BBS9: variants seen among roughly 807,000 people sequenced by gnomAD.
BBS9 encodes protein PTHB1.
BBS9 carries 89 observed loss-of-function variants against 117.7 expected under a neutral mutation model. The ratio of observed to expected loss-of-function variants is 0.76; its 90% confidence interval spans 0.64 to 0.90. The LOEUF is 0.90. BBS9 is among the 40% of genes least tolerant of loss of function. The pLI is 0.00. For synonymous variants in BBS9, 379 were observed against 370.9 expected, an observed-to-expected ratio of 1.02 and a Z score of -0.25; for missense variants, 982 against 1,042.2, an observed-to-expected ratio of 0.94 and a Z score of 0.80.
intron 21 of BBS9, among the ~76,000 whole-genome samples, chr7:33,599,348 T>TCC (rs1046351511): frequency 8.5e-5 from 13 of 152,160 alleles, no homozygotes; most frequent in Non-Finnish European, 1.9e-4. Flanking sequence ...ACCCTGCCTA[T>TCC]CCCCCACCTT....
chr7:33,579,440 G>A (rs1238378777), intron 21 of BBS9, among the ~76,000 whole-genome samples: 2 of 152,146 alleles, frequency 1.3e-5, no homozygotes, highest in African/African-American at 4.8e-5. Flanking sequence ...AAATTGTTAA[G>A]AGTTAAAATA....
chr7:33,571,097 T>C (rs1857702614), intron 21 of BBS9, among the ~76,000 whole-genome samples: 1 of 152,194 alleles, frequency 6.6e-6, no homozygotes, highest in Non-Finnish European at 1.5e-5. Context: ...TGTGGTTATA[T>C]AAGATGTTAT....
At chr7:33,618,701 T>C (rs1417703937) in intron 21 of BBS9, among the ~76,000 whole-genome samples, 2 of 152,074 alleles carry the variant, frequency 1.3e-5, no homozygotes, top group Non-Finnish European at 2.9e-5. Flanking sequence ...TTTTTTAAAA[T>C]GTAAATTATG....
At chr7:33,180,837 C>T (rs1797996062) in intron 5 of BBS9, among the ~76,000 whole-genome samples, 1 of 152,088 alleles carries the variant, frequency 6.6e-6, no homozygotes, top group South Asian at 2.1e-4. Flanking sequence ...ACTGGGGATC[C>T]ACCTGGTGTG....
intron 9 of BBS9, among the ~76,000 whole-genome samples, chr7:33,326,228 T>TCCCCTCCCCTC (rs1323002450): frequency 6.7e-6 from 1 of 149,812 alleles, no homozygotes; most frequent in East Asian, 2.0e-4. Context: ...CTCTTTTCCC[T>TCCCCTCCCCTC]CCCCTCCCCT....
intron 5 of BBS9, among the ~76,000 whole-genome samples, chr7:33,233,500 G>A (rs1792880596): frequency 6.6e-6 from 1 of 152,002 alleles, no homozygotes; most frequent in African/African-American, 2.4e-5. Context: ...ACTTATTAAA[G>A]GATATGAACT....
chr7:33,608,784 C>T (rs7798229), downstream of BBS9, among the ~76,000 whole-genome samples: 54,478 of 151,896 alleles, frequency 0.36, 12,819 homozygotes, highest in African/African-American at 0.66. Context: ...ATAGTTTGCA[C>T]ATATTTTCTC....
intron 21 of BBS9, among the ~76,000 whole-genome samples, chr7:33,542,575 A>G (rs1278440477): frequency 6.6e-6 from 1 of 151,274 alleles, no homozygotes; most frequent in African/African-American, 2.5e-5. Context: ...GTGAAAACAT[A>G]TGATGTTTGG....
At chr7:33,174,845 T>C (rs1415364431) in intron 4 of BBS9, among the ~76,000 whole-genome samples, 1 of 152,226 alleles carries the variant, frequency 6.6e-6, no homozygotes, top group African/African-American at 2.4e-5. Flanking sequence ...TAATACCGTA[T>C]GTGTTTCCCT....
In BBS9 at chr7:33,505,598, A is replaced by G. The variant is rs765919756; in HGVS notation, c.2251A>G (p.Ile751Val). The change falls in exon 20 of 23, where the codon ATT (isoleucine) becomes GTT (valine). Residue 751 changes from isoleucine (I) to valine (V), a missense_variant. Physicochemically the swap from Ile to Val is conservative, Grantham distance 29. Coordinates refer to ENST00000242067, the MANE Select transcript of BBS9 (RefSeq NM_198428.3). The part of the protein sequence containing the change: ...WQKLSADQVA[I>V]LEAAFLPLQE... Reference sequence around the variant, plus strand: ...GAAGCTTAGTGCTGACCAGGTTGCTATTCTGGAAGCGGCATTTCTGCCGCT... The same window carrying G: ...GAAGCTTAGTGCTGACCAGGTTGCTGTTCTGGAAGCGGCATTTCTGCCGCT... 6.2e-7 allele frequency: 1 copy of G among 1,614,050 alleles called. No individual in the cohort carries two copies. Among genetic ancestry groups the G allele is most frequent in the Admixed American group, 1.7e-5 (1 of 60,026 alleles).
At chr7:33,508,048 C>A (rs760822337) in intron 20 of BBS9, among the ~76,000 whole-genome samples, 1 of 152,168 alleles carries the variant, frequency 6.6e-6, no homozygotes, top group Non-Finnish European at 1.5e-5. Context: ...CTGCATTAGA[C>A]TCATATGCAG....
chr7:33,471,156 T>C (rs752617348), intron 19 of BBS9, among the ~76,000 whole-genome samples: 7 of 152,228 alleles, frequency 4.6e-5, no homozygotes, highest in Non-Finnish European at 1.0e-4. Context: ...ATTGCTGACT[T>C]ATCCAAGCTG....
chr7:33,560,481 T>C (rs1308890599), intron 21 of BBS9, among the ~76,000 whole-genome samples: 1 of 152,238 alleles, frequency 6.6e-6, no homozygotes, highest in Non-Finnish European at 1.5e-5. Flanking sequence ...TTAACTATTA[T>C]AAGATTAGCC....
At chr7:33,375,732 C>A (rs1009104799) in intron 17 of BBS9, among the ~76,000 whole-genome samples, 1 of 151,520 alleles carries the variant, frequency 6.6e-6, no homozygotes, top group Admixed American at 6.6e-5. Flanking sequence ...CTGGGACTTA[C>A]AGGTGTGCAC....
rs184071525 is a variant in BBS9, at chr7:33,318,788, T to C, written c.1017-17653T>C. On this transcript the variant is annotated intron_variant, in intron 9 of 22. Transcript: ENST00000242067. Reference sequence around the variant, plus strand: ...GTCCATTGTATCATTCTTATGCCTTTGCATCCTCATAGCTTAGCTCCCACT... The same window carrying C: ...GTCCATTGTATCATTCTTATGCCTTCGCATCCTCATAGCTTAGCTCCCACT... Among the ~76,000 whole-genome samples the C allele has an allele frequency of 7.6e-3, 1,150 of 152,254 alleles. 19 individuals carry two copies. The highest frequency in any genetic ancestry group is 0.026 in the African/African-American group (1,099 of 41,554).
intron 1 of BBS9, among the ~76,000 whole-genome samples, chr7:33,134,872 A>T (rs1790225306): frequency 6.6e-6 from 1 of 152,190 alleles, no homozygotes; most frequent in Non-Finnish European, 1.5e-5. Flanking sequence ...TTGGGATTAC[A>T]GGCGTCAGCC....
chr7:33,362,672 A>G (rs1820846167), intron 16 of BBS9, among the ~76,000 whole-genome samples: 1 of 152,176 alleles, frequency 6.6e-6, no homozygotes. Context: ...TATATTTATA[A>G]TAAGTCTTGA....
intron 5 of BBS9, among the ~76,000 whole-genome samples, chr7:33,205,127 A>G (rs2128217652): frequency 6.6e-6 from 1 of 152,336 alleles, no homozygotes; most frequent in South Asian, 2.1e-4. Flanking sequence ...ATAAGGATCA[A>G]TCATTCTTTA....
intron 21 of BBS9, among the ~76,000 whole-genome samples, chr7:33,565,054 T>C (rs2129124380): frequency 6.6e-6 from 1 of 152,328 alleles, no homozygotes; most frequent in South Asian, 2.1e-4. Flanking sequence ...ACTAATCATT[T>C]GCTTTGGTGT....
Sources: gnomAD v4.1 joint callset for allele counts (sites outside exome capture counted in the v4.1 genomes callset) on GRCh38, gnomAD v4.1.1 for gene constraint, MANE v1.5 for transcripts, NCBI Gene and HGNC (gene_info 2026-07-23, HGNC 2026-07-21) for gene names.